Variants in DGKG observed in about 807,000 individuals in gnomAD.
The protein encoded by DGKG is DAG kinase gamma.
DGKG carries 78 observed loss-of-function variants against 105.3 expected under a neutral mutation model. The observed-to-expected ratio is 0.74, with a 90% CI of 0.62 to 0.89. DGKG has a LOEUF of 0.89. Ranked by LOEUF, DGKG falls within the 40% of genes least tolerant of loss-of-function variation. The pLI is 0.00. For synonymous variants in DGKG, 346 were observed against 367.1 expected, an observed-to-expected ratio of 0.94 and a Z score of 0.66; for missense variants, 958 against 1,020.1, an observed-to-expected ratio of 0.94 and a Z score of 0.83.
At chr3:186,197,346 C>A (rs1718230364) in intron 21 of DGKG, among the ~76,000 whole-genome samples, 1 of 152,174 alleles carries the variant, frequency 6.6e-6, no homozygotes, top group South Asian at 2.1e-4. Flanking sequence ...GATGCCTGGG[C>A]TCCAGATCAG....
At chr3:186,352,094 C>T (rs1050279209) in intron 1 of DGKG, among the ~76,000 whole-genome samples, 1 of 152,094 alleles carries the variant, frequency 6.6e-6, no homozygotes, top group Non-Finnish European at 1.5e-5. Flanking sequence ...CCACTCCCCC[C>T]AGGCAATGTT....
At chr3:186,176,717 A>G (rs1717097964) in intron 22 of DGKG, among the ~76,000 whole-genome samples, 1 of 152,198 alleles carries the variant, frequency 6.6e-6, no homozygotes, top group African/African-American at 2.4e-5. Context: ...GGTGCTGTAG[A>G]GGATTAAAAT....
chr3:186,202,365 A>G (rs1718512407), intron 21 of DGKG, among the ~76,000 whole-genome samples: 1 of 152,246 alleles, frequency 6.6e-6, no homozygotes, highest in Non-Finnish European at 1.5e-5. Flanking sequence ...ACTTCACAGG[A>G]TAAGTTAGAA....
chr3:186,207,373 G>C, intron 21 of DGKG: 3 of 878,404 alleles, frequency 3.4e-6, no homozygotes, highest in Non-Finnish European at 4.1e-6. Context: ...ATCTGGATTT[G>C]AAGGCTGATC....
chr3:186,200,822 T>C (rs1718420536), intron 21 of DGKG, among the ~76,000 whole-genome samples: 1 of 152,256 alleles, frequency 6.6e-6, no homozygotes, highest in South Asian at 2.1e-4. Flanking sequence ...TGAAGCCATG[T>C]ACACACAACC....
At chr3:186,244,314 C>G (rs1193965681) in intron 19 of DGKG, among the ~76,000 whole-genome samples, 3 of 151,778 alleles carry the variant, frequency 2.0e-5, no homozygotes, top group African/African-American at 7.3e-5. Context: ...GGTGGCAGGG[C>G]AAGAGGAGAA....
At chr3:186,246,076 AT>A (rs951054926) in intron 19 of DGKG, among the ~76,000 whole-genome samples, 1 of 152,058 alleles carries the variant, frequency 6.6e-6, no homozygotes, top group Admixed American at 6.5e-5. Context: ...GGTTCAAGTG[AT>A]TCTCCTGCCT....
rs1217228915 is a variant in DGKG, at chr3:186,203,970, C to T, written c.1917+7825G>A. ...TCTTTCCCTCTAGTTTAAGAGTGTG[C>T]AGCACTGCAGGTGGATGCTAAGACA... On this transcript the variant is annotated intron_variant, in intron 21 of 24. Transcript: ENST00000265022. The surrounding 1 kb of genome is among the most constrained non-coding windows in gnomAD (Gnocchi z 4.9). 6.6e-6 allele frequency among the ~76,000 whole-genome samples: 1 copy of T among 152,214 alleles called. No individual in the cohort carries two copies. Among genetic ancestry groups the T allele is most frequent in the Admixed American group, 6.5e-5 (1 of 15,282 alleles).
At chr3:186,237,505 T>C (rs1156720371) in intron 20 of DGKG, among the ~76,000 whole-genome samples, 1 of 152,156 alleles carries the variant, frequency 6.6e-6, no homozygotes, top group African/African-American at 2.4e-5. Flanking sequence ...CAGCAGGCAT[T>C]TTCCCACAGA....
At chr3:186,295,638 T>TAAAAAAAAAAA (rs34829528) in intron 5 of DGKG, among the ~76,000 whole-genome samples, 3 of 84,524 alleles carry the variant, frequency 3.5e-5, no homozygotes, top group African/African-American at 5.0e-5. Flanking sequence ...TAATGCACAG[T>TAAAAAAAAAAA]AAAAAAAAAA....
At chr3:186,323,791 G>A (rs1194850279) in intron 1 of DGKG, among the ~76,000 whole-genome samples, 1 of 152,034 alleles carries the variant, frequency 6.6e-6, no homozygotes, top group Non-Finnish European at 1.5e-5. Flanking sequence ...AAAAAAATTA[G>A]CCAGGCGTGG....
chr3:186,341,837 T>TA (rs1726102074), intron 1 of DGKG, among the ~76,000 whole-genome samples: 1 of 152,234 alleles, frequency 6.6e-6, no homozygotes, highest in African/African-American at 2.4e-5. Context: ...TATGCAGCCA[T>TA]AAAAAATGAT....
chr3:186,354,399 C>T (rs1186731440), intron 1 of DGKG, among the ~76,000 whole-genome samples: 1 of 152,204 alleles, frequency 6.6e-6, no homozygotes, highest in East Asian at 1.9e-4. Flanking sequence ...CAGCCATCAG[C>T]AAAGTGAAAA....
At chr3:186,249,921 T>A (rs1247792220) in intron 19 of DGKG, among the ~76,000 whole-genome samples, 2 of 151,994 alleles carry the variant, frequency 1.3e-5, no homozygotes, top group African/African-American at 4.8e-5. Context: ...CTCTTTCCTT[T>A]AAAAAAAATT....
rs1716145800 is a variant in DGKG, at chr3:186,158,663, A to C, written c.2277+2940T>G. 1.5e-5 allele frequency: 14 copies of C among 944,404 alleles called. No individual in the cohort carries two copies. In the South Asian group the frequency reaches 4.9e-4, roughly 33 times the overall value. The allele number at this position is 944,404 out of a possible 1,614,324, so 58.5% of individuals were successfully genotyped here. ...ATGAGTTATAGAGTTATTTCATCCA[A>C]GCATTTATTTTTTTGCTACTTAACC... On this transcript the variant is annotated intron_variant, in intron 24 of 24. Transcript: ENST00000265022.
At chr3:186,310,229 T>G (rs1226584409) in intron 2 of DGKG, among the ~76,000 whole-genome samples, 2 of 117,436 alleles carry the variant, frequency 1.7e-5, no homozygotes, top group African/African-American at 3.3e-5. Flanking sequence ...ACCGCACCAC[T>G]GCACTCCAGC....
At chr3:186,263,734 G>A (rs1276229526) in intron 14 of DGKG, among the ~76,000 whole-genome samples, 2 of 151,968 alleles carry the variant, frequency 1.3e-5, no homozygotes, top group Non-Finnish European at 2.9e-5. Flanking sequence ...GCAGAGTGGG[G>A]TGTGTGTAAC....
chr3:186,313,522 G>A, intron 2 of DGKG: 1 of 985,328 alleles, frequency 1.0e-6, no homozygotes, highest in Middle Eastern at 5.2e-4. Context: ...AAGTGAAGGT[G>A]GAGGAATGGA....
intron 1 of DGKG, among the ~76,000 whole-genome samples, chr3:186,334,553 A>T (rs967826781): frequency 1.4e-4 from 21 of 152,218 alleles, no homozygotes; most frequent in African/African-American, 4.6e-4. Context: ...ATGTCCCTGG[A>T]TGGCCTCCTC....
Sources: allele counts gnomAD v4.1 joint callset (sites outside exome capture counted in the v4.1 genomes callset), GRCh38; gene constraint gnomAD v4.1.1; non-coding constraint Gnocchi (gnomAD v3.1); transcripts MANE v1.5; gene names NCBI Gene and HGNC (gene_info 2026-07-23, HGNC 2026-07-21).